Variants in APBA2 observed in about 807,000 individuals in gnomAD.
APBA2 encodes amyloid-beta A4 precursor protein-binding family A member 2.
A neutral mutation model predicts 75.0 loss-of-function variants in APBA2; 30 were observed. The observed-to-expected ratio is 0.40, with a 90% CI of 0.30 to 0.54. The LOEUF (loss-of-function observed/expected upper bound fraction) is 0.54, where lower values mean the gene tolerates loss of function less well. Ranked by LOEUF, APBA2 falls within the 20% of genes least tolerant of loss-of-function variation. The pLI, the probability that APBA2 is intolerant of heterozygous loss-of-function variation, is 0.49. For synonymous variants in APBA2, 444 were observed against 409.6 expected, an observed-to-expected ratio of 1.08 and a Z score of -1.01; for missense variants, 801 against 1,016.1, an observed-to-expected ratio of 0.79 and a Z score of 2.88.
In APBA2 at chr15:29,101,554, G is replaced by T. The variant is rs545399704; in HGVS notation, c.1339-45G>T. The T allele has an allele frequency of 4.5e-5, 72 of 1,590,250 alleles. No homozygotes were observed. The South Asian group carries it at 7.9e-4, about 17-fold the overall frequency. ...GCCCTGGAGTACTTTTCAATGGATT[G>T]TCCCAGTAGTGTTCCCTGACGTGGC... On this transcript the variant is annotated intron_variant, in intron 9 of 14. Transcript: ENST00000683413.
intron 1 of APBA2, among the ~76,000 whole-genome samples, chr15:28,887,491 A>G (rs748172046): frequency 1.8e-4 from 27 of 152,040 alleles, no homozygotes; most frequent in Non-Finnish European, 3.4e-4. Context: ...GGTCCCTCCA[A>G]TGAGGTGAGG....
chr15:29,024,345 C>T (rs2152834647), intron 3 of APBA2, among the ~76,000 whole-genome samples: 1 of 152,322 alleles, frequency 6.6e-6, no homozygotes, highest in African/African-American at 2.4e-5. Flanking sequence ...TCATTGATAA[C>T]ATTTAATACC....
chr15:29,017,397 C>CTTTTTTTTTTTTTTTTTTTTTT (rs56993296), intron 3 of APBA2, among the ~76,000 whole-genome samples: 1 of 102,086 alleles, frequency 9.8e-6, no homozygotes, highest in Non-Finnish European at 1.8e-5. Flanking sequence ...TTCTTTCTTT[C>CTTTTTTTTTTTTTTTTTTTTTT]TTTTTTTTTT....
intron 2 of APBA2, among the ~76,000 whole-genome samples, chr15:28,989,033 G>A (rs1422564810): frequency 1.3e-5 from 2 of 152,110 alleles, no homozygotes; most frequent in African/African-American, 4.8e-5. Context: ...GCATTTCCCT[G>A]CGTGCCAGTG....
chr15:28,904,452 T>C (rs1379962747), intron 1 of APBA2, among the ~76,000 whole-genome samples: 1 of 152,260 alleles, frequency 6.6e-6, no homozygotes, highest in East Asian at 1.9e-4. Context: ...TTTTGTTTTT[T>C]ATTGGCAGAT....
chr15:28,943,214 G>C (rs932846011), intron 2 of APBA2, among the ~76,000 whole-genome samples: 2 of 152,180 alleles, frequency 1.3e-5, no homozygotes, highest in Admixed American at 1.3e-4. Flanking sequence ...CATACTAAAG[G>C]CTTCTTCCTT....
intron 3 of APBA2, among the ~76,000 whole-genome samples, chr15:29,039,556 G>A (rs924844725): frequency 2.0e-5 from 3 of 152,142 alleles, no homozygotes; most frequent in Non-Finnish European, 4.4e-5. Context: ...TGGAGCTGGG[G>A]CAGGATCCAG....
intron 3 of APBA2, among the ~76,000 whole-genome samples, chr15:29,045,879 C>T (rs2152872841): frequency 6.6e-6 from 1 of 152,262 alleles, no homozygotes; most frequent in Non-Finnish European, 1.5e-5. Flanking sequence ...CAGAAGTCTG[C>T]CCACATCAGT....
intron 3 of APBA2, among the ~76,000 whole-genome samples, chr15:29,033,821 C>G (rs533824853): frequency 6.6e-6 from 1 of 151,720 alleles, no homozygotes; most frequent in Non-Finnish European, 1.5e-5. Context: ...AAAAATTAGC[C>G]GAGCGTGGTG....
Position 29,054,397 on chromosome 15 carries a change from G to A in APBA2, c.513G>A (p.Glu171=). The A allele has an allele frequency of 2.5e-6, 4 of 1,614,110 alleles. No individual in the cohort carries two copies. The highest frequency in any genetic ancestry group is 3.4e-6 in the Non-Finnish European group (4 of 1,180,048). Reference sequence around the variant, plus strand: ...GCCAACTGCCCATTCCGGAGGATGAGCCCTCCGTCCTTGAGGCCCATGACC... The same window carrying A: ...GCCAACTGCCCATTCCGGAGGATGAACCCTCCGTCCTTGAGGCCCATGACC... ...PDGQLPIPED[E]PSVLEAHDQE... Residue 171 remains glutamate, a synonymous_variant, in exon 4 of 15, where the codon GAG becomes GAA. Coordinates refer to ENST00000683413, the MANE Select transcript of APBA2 (RefSeq NM_001353788.2). This position sits in a 1 kb window ranked among gnomAD's most constrained non-coding sequence, Gnocchi z 6.1.
At chr15:28,946,144 A>G (rs917807650) in intron 2 of APBA2, among the ~76,000 whole-genome samples, 3 of 152,228 alleles carry the variant, frequency 2.0e-5, no homozygotes, top group African/African-American at 7.2e-5. Context: ...AGCGTTTGTC[A>G]TTCAGAGACT....
chr15:28,918,960 C>T lies in APBA2; in HGVS notation c.-204-2680C>T, dbSNP rs979048134. 2.0e-5 allele frequency among the ~76,000 whole-genome samples: 3 copies of T among 151,906 alleles called. No homozygotes were observed. Among genetic ancestry groups the T allele is most frequent in the Non-Finnish European group, 4.4e-5 (3 of 68,006 alleles). On this transcript the variant is annotated intron_variant, in intron 1 of 14. Coordinates refer to ENST00000683413, the MANE Select transcript of APBA2 (RefSeq NM_001353788.2). The surrounding 1 kb of genome is among the most constrained non-coding windows in gnomAD (Gnocchi z 4.2). ...CTGCAAGCTCCGCCTCCAGGGTTCA[C>T]GCCATTCTCCTGCCTCAGCCTCCGG... is the stretch of plus-strand genomic sequence containing the variant.
At chr15:28,909,559 A>G (rs1595436896) in intron 1 of APBA2, among the ~76,000 whole-genome samples, 1 of 152,194 alleles carries the variant, frequency 6.6e-6, no homozygotes, top group Admixed American at 6.5e-5. Flanking sequence ...CAAGAAGCCA[A>G]TGAGGACTTG....
chr15:28,907,437 T>G (rs2033185551), intron 1 of APBA2, among the ~76,000 whole-genome samples: 1 of 152,228 alleles, frequency 6.6e-6, no homozygotes, highest in Non-Finnish European at 1.5e-5. Context: ...CTCTTCTTTT[T>G]TCATTTTCCC....
intron 6 of APBA2, among the ~76,000 whole-genome samples, chr15:29,090,164 G>C (rs2043491028): frequency 1.3e-5 from 2 of 152,230 alleles, no homozygotes; most frequent in African/African-American, 4.8e-5. Flanking sequence ...GAACAAAAGA[G>C]CAAGGCAGGC....
At chr15:29,077,305 G>A (rs747840990) in intron 6 of APBA2, among the ~76,000 whole-genome samples, 70 of 152,172 alleles carry the variant, frequency 4.6e-4, no homozygotes, top group Non-Finnish European at 7.1e-4. Flanking sequence ...TGAGCAGGGC[G>A]AATGCAGTAC....
In APBA2 at chr15:29,117,221, C is replaced by A. The variant is rs932586415; in HGVS notation, c.*88C>A. ...GGGAGCCGGGCCGCAGACTTGACCC[C>A]GACGCCACAGCCCAGCCACGGACGC... On this transcript the variant is annotated 3_prime_UTR_variant, in exon 15 of 15. Transcript: ENST00000683413. 4 of 1,274,114 alleles carry A rather than the reference C, an allele frequency of 3.1e-6. No homozygotes were observed. Among genetic ancestry groups the A allele is most frequent in the Non-Finnish European group, 4.6e-6 (4 of 876,612 alleles). The allele number at this position is 1,274,114 out of a possible 1,614,324, so 78.9% of individuals were successfully genotyped here. A position where few individuals can be genotyped will look rare whatever the true frequency, so the allele number is the denominator to read the frequency against.
In APBA2 at chr15:28,887,764, C is replaced by T. The variant is rs191559923; in HGVS notation, c.-205+1486C>T. 4.2e-3 allele frequency among the ~76,000 whole-genome samples: 641 copies of T among 152,260 alleles called. 5 individuals are homozygous for T. The highest frequency in any genetic ancestry group is 0.013 in the African/African-American group (559 of 41,554). ...AAAGCTGGAGCTTGTGGCTGTGTGCCGGCAGCCTTCCCTCGGTGGGCTCTA... is the reference window on the plus strand; with the variant it reads ...AAAGCTGGAGCTTGTGGCTGTGTGCTGGCAGCCTTCCCTCGGTGGGCTCTA... On this transcript the variant is annotated intron_variant, in intron 1 of 14. Transcript: ENST00000683413.
intron 2 of APBA2, among the ~76,000 whole-genome samples, chr15:28,929,582 G>T (rs533815670): frequency 6.6e-6 from 1 of 152,166 alleles, no homozygotes; most frequent in Non-Finnish European, 1.5e-5. Flanking sequence ...TGGCCCAGGC[G>T]ACACACAAGA....
Sources: allele counts gnomAD v4.1 joint callset (sites outside exome capture counted in the v4.1 genomes callset), GRCh38; gene constraint gnomAD v4.1.1; non-coding constraint Gnocchi (gnomAD v3.1); transcripts MANE v1.5; gene names NCBI Gene and HGNC (gene_info 2026-07-23, HGNC 2026-07-21).